Variants in UGGT1 observed in about 807,000 individuals in gnomAD.
The protein encoded by UGGT1 is UDP-glucose:glycoprotein glucosyltransferase 1.
UGGT1 carries 107 observed loss-of-function variants against 203.9 expected under a neutral mutation model. That is an observed-to-expected ratio of 0.52 (90% CI 0.45 to 0.62). The LOEUF is 0.62. UGGT1 is among the 20% of genes least tolerant of loss of function. The pLI is 0.00. For synonymous variants in UGGT1, 628 were observed against 653.5 expected (o/e 0.96, Z 0.59); for missense variants, 1,673 against 1,867.2 (o/e 0.90, Z 1.92).
rs1038155211 is a variant in UGGT1 at position 128,092,223 on chromosome 2, G to A, written c.58+808G>A. 3.6e-5 allele frequency among the ~76,000 whole-genome samples: 4 copies of A among 110,866 alleles called. No homozygotes were observed. In the East Asian group the frequency reaches 7.5e-4, roughly 21 times the overall value. 72.7% of individuals were successfully genotyped at this position (110,866 alleles called of 152,430 possible). ...CACCACAAAACTTGGAATAATTGTA[G>A]CCTTTTCACTTTGCTTTTTTTTTTT... On this transcript the variant is annotated intron_variant, in intron 1 of 40. Transcript: ENST00000259253.
At chr2:128,091,893 G>T (rs1354827065) in intron 1 of UGGT1, among the ~76,000 whole-genome samples, 4 of 152,174 alleles carry the variant, frequency 2.6e-5, no homozygotes, top group Admixed American at 1.3e-4. Flanking sequence ...GGATGATATG[G>T]TTTCACTTTT....
intron 28 of UGGT1, 164 bp downstream of exon 28, chr2:128,171,448 A>G: frequency 1.5e-6 from 1 of 660,000 alleles, no homozygotes; most frequent in Non-Finnish European, 2.6e-6. Flanking sequence ...CAGAAGTTCT[A>G]AGAACATAGT....
rs567230022 is a variant in UGGT1, at chr2:128,112,871, T to G, written c.522-213T>G. ...TACATTTTATAGTTAGTATTTTTTA[T>G]AATGTACTTTTGTTATTTTTAATCA... On this transcript the variant is annotated intron_variant, in intron 5 of 40. Transcript: ENST00000259253. Among the ~76,000 whole-genome samples, 9 of 152,318 alleles carry G rather than the reference T, an allele frequency of 5.9e-5. No individual in the cohort carries two copies. The South Asian group carries it at 1.9e-3, about 32-fold the overall frequency.
intron 21 of UGGT1, 102 bp from the exon 22 acceptor site, chr2:128,157,150 A>T: frequency 1.2e-6 from 1 of 826,822 alleles, no homozygotes; most frequent in South Asian, 1.5e-5. Context: ...TTCTTTTTGC[A>T]TGGTTCTTAC....
At chr2:128,141,245 G>A (rs1417002240) in intron 16 of UGGT1, among the ~76,000 whole-genome samples, 1 of 151,816 alleles carries the variant, frequency 6.6e-6, no homozygotes, top group African/African-American at 2.4e-5. Context: ...GATCATTTGA[G>A]GTCAGGAATT....
At chr2:128,186,280 A>G (rs1346561047) in intron 38 of UGGT1, among the ~76,000 whole-genome samples, 1 of 152,252 alleles carries the variant, frequency 6.6e-6, no homozygotes, top group Non-Finnish European at 1.5e-5. Flanking sequence ...TGTAACGAGC[A>G]GCTGTACATC....
chr2:128,174,894 C>T (rs1437853075), intron 31 of UGGT1, 36 bp downstream of exon 31: 1 of 1,572,932 alleles, frequency 6.4e-7, no homozygotes, highest in Non-Finnish European at 8.7e-7. Context: ...TATCCCAGAA[C>T]TTTTAGAAAT....
chr2:128,146,032 A>G (rs1456218774), intron 18 of UGGT1, 65 bp downstream of exon 18: 2 of 1,568,374 alleles, frequency 1.3e-6, no homozygotes, highest in African/African-American at 2.7e-5. Flanking sequence ...TGTTGCCTCT[A>G]TAGTAGGCAG....
Position 128,157,415 on chromosome 2 carries a change from C to T in UGGT1, c.2355+69C>T, listed in dbSNP as rs968441736. The T allele has an allele frequency of 2.8e-4, 361 of 1,307,434 alleles. 2 individuals are homozygous for T. Among genetic ancestry groups the T allele is most frequent in the Middle Eastern group, 3.7e-4 (2 of 5,356 alleles). 81.0% of individuals were successfully genotyped at this position (1,307,434 alleles called of 1,614,324 possible). A position where few individuals can be genotyped will look rare whatever the true frequency, so the allele number is the denominator to read the frequency against. ...AGTTGTCTTCATGGGCTTCGCTGTG[C>T]GGCTAGGATTGTTCAGTGGGAGTTG... On this transcript the variant is annotated intron_variant, in intron 22 of 40. Coordinates refer to ENST00000259253, the MANE Select transcript of UGGT1 (RefSeq NM_020120.4).
chr2:128,138,911 A>G (rs2105444576), intron 16 of UGGT1, 59 bp downstream of exon 16: 1 of 1,602,280 alleles, frequency 6.2e-7, no homozygotes, highest in South Asian at 1.1e-5. Flanking sequence ...TCTTAATAAC[A>G]ATGTGTGGTC....
At chr2:128,171,312 TGAA>T in intron 28 of UGGT1, 28 bp downstream of exon 28, 1 of 1,591,294 alleles carries the variant, frequency 6.3e-7, no homozygotes. Flanking sequence ...AGAAAACAGT[TGAA>T]GAAATTGTAC....
chr2:128,100,032 CCT>C (rs752415339), intron 2 of UGGT1, among the ~76,000 whole-genome samples: 12,623 of 87,786 alleles, frequency 0.14, 1,743 homozygotes, highest in Non-Finnish European at 0.2. Flanking sequence ...CCCCCCCCAC[CCT>C]ACTTATTTTT....
intron 19 of UGGT1, among the ~76,000 whole-genome samples, chr2:128,154,055 A>G (rs887619723): frequency 1.9e-4 from 17 of 89,800 alleles, no homozygotes; most frequent in Non-Finnish European, 2.1e-4. Context: ...AAATACATGT[A>G]TATATACACA....
At chr2:128,127,305 A>C (rs992811155) in intron 11 of UGGT1, 56 bp from the exon 12 acceptor site, 12 of 1,308,306 alleles carry the variant, frequency 9.2e-6, no homozygotes, top group African/African-American at 1.5e-5. Flanking sequence ...AGAAACAATA[A>C]AATTTTTTTT....
Position 128,143,135 on chromosome 2 carries a change from A to G in UGGT1, c.1761A>G (p.Glu587=). The stretch of plus-strand genomic sequence containing the variant: ...GGACTGGAGAAAAAGTGAAAGTTGA[A>G]CATGTGGTCAGTGTCCTGGAGAAGA... The part of the protein sequence containing the change: ...KVRTGEKVKV[E]HVVSVLEKKY... The change falls in exon 17 of 41, where the codon GAA becomes GAG. Residue 587 remains glutamate (E), a synonymous_variant. Transcript: ENST00000259253. The G allele has an allele frequency of 6.2e-7, 1 of 1,613,930 alleles. No homozygotes were observed. Among genetic ancestry groups the G allele is most frequent in the African/African-American group, 1.3e-5 (1 of 75,042 alleles).
intron 18 of UGGT1, among the ~76,000 whole-genome samples, chr2:128,147,342 A>G (rs4453642): frequency 0.011 from 1,624 of 152,212 alleles, 48 homozygotes; most frequent in East Asian, 0.059. Flanking sequence ...TCTTTTTGAT[A>G]ATTTCCTTTG....
At chr2:128,136,115 C>G (rs983757960) in intron 15 of UGGT1, among the ~76,000 whole-genome samples, 7 of 152,186 alleles carry the variant, frequency 4.6e-5, no homozygotes, top group Non-Finnish European at 1.0e-4. Context: ...TCCTAGGCAA[C>G]TGAGAGATTG....
At chr2:128,110,668 G>A (rs906133937) in intron 5 of UGGT1, among the ~76,000 whole-genome samples, 7 of 152,124 alleles carry the variant, frequency 4.6e-5, no homozygotes, top group Non-Finnish European at 1.0e-4. Flanking sequence ...TCTGAGAGGC[G>A]GTAACTGCTT....
intron 2 of UGGT1, among the ~76,000 whole-genome samples, chr2:128,101,631 C>T (rs1687377171): frequency 1.3e-5 from 2 of 152,142 alleles, no homozygotes; most frequent in Non-Finnish European, 2.9e-5. Flanking sequence ...TCCAGCTTTT[C>T]CATTGACTAA....
Sources: gnomAD v4.1 joint callset for allele counts (sites outside exome capture counted in the v4.1 genomes callset) on GRCh38, gnomAD v4.1.1 for gene constraint, MANE v1.5 for transcripts, NCBI Gene and HGNC (gene_info 2026-07-23, HGNC 2026-07-21) for gene names.